Variants in C10orf90 observed in about 807,000 individuals in gnomAD.
The protein encoded by C10orf90 is chromosome 10 open reading frame 90.
A neutral mutation model predicts 62.5 loss-of-function variants in C10orf90; 56 were observed. The observed-to-expected ratio is 0.90, with a 90% CI of 0.72 to 1.12. The LOEUF (loss-of-function observed/expected upper bound fraction) is 1.12, where lower values mean the gene tolerates loss of function less well. C10orf90 is among the 50% of genes most tolerant of loss of function. The pLI, the probability that C10orf90 is intolerant of heterozygous loss-of-function variation, is 0.00. For missense variants in C10orf90, 970 were observed against 880.4 expected (o/e 1.10, Z -1.29); for synonymous variants, 386 against 340.4 (o/e 1.13, Z -1.47).
At chr10:126,538,838 A>C (rs1335491553) in intron 2 of C10orf90, among the ~76,000 whole-genome samples, 1 of 152,198 alleles carries the variant, frequency 6.6e-6, no homozygotes, top group East Asian at 1.9e-4. Context: ...CTGATCATGA[A>C]GGGTTTCCTC....
At chr10:126,580,535 C>T (rs377051142) in intron 2 of C10orf90, among the ~76,000 whole-genome samples, 1 of 151,912 alleles carries the variant, frequency 6.6e-6, no homozygotes, top group Non-Finnish European at 1.5e-5. Flanking sequence ...CGCCTGTAGT[C>T]CCAGCTACTC....
At chr10:126,602,753 T>C (rs1845223101) in intron 2 of C10orf90, among the ~76,000 whole-genome samples, 1 of 145,074 alleles carries the variant, frequency 6.9e-6, no homozygotes, top group Non-Finnish European at 1.5e-5. Flanking sequence ...TGGCAGGGTT[T>C]TGGGCTTTTT....
In C10orf90 at chr10:126,521,412, G is replaced by T. The variant is rs186180615; in HGVS notation, c.314-7473C>A. Reference sequence around the variant, plus strand: ...GGCGACATGAAAGAAAAAAATGTCCGGAGTTTACCTCTGTGGCTAGGCTCA... The same window carrying T: ...GGCGACATGAAAGAAAAAAATGTCCTGAGTTTACCTCTGTGGCTAGGCTCA... On this transcript the variant is annotated intron_variant, in intron 2 of 9. Transcript: ENST00000488181. The T allele has an allele frequency of 1.7e-4, 265 of 1,596,066 alleles. No individual in the cohort carries two copies. In the African/African-American group the frequency reaches 3.0e-3, roughly 18 times the overall value.
rs550693142 is a variant in C10orf90, at chr10:126,524,936, T to C, written c.314-10997A>G. 8.0e-6 allele frequency: 6 copies of C among 753,698 alleles called. No individual in the cohort carries two copies. The East Asian group carries it at 3.9e-4, about 49-fold the overall frequency. The allele number at this position is 753,698 out of a possible 1,614,324, so 46.7% of individuals were successfully genotyped here. A position where few individuals can be genotyped will look rare whatever the true frequency, so the allele number is the denominator to read the frequency against. ...TCACTGAACAAGCATCATTATTACA[T>C]AGTATTGAAAGTCATAGTGTGGTTT... On this transcript the variant is annotated intron_variant, in intron 2 of 9. Coordinates refer to ENST00000488181, the MANE Select transcript of C10orf90 (RefSeq NM_001350921.2).
At chr10:126,623,310 C>T (rs1282004759) in intron 2 of C10orf90, among the ~76,000 whole-genome samples, 4 of 152,184 alleles carry the variant, frequency 2.6e-5, no homozygotes, top group African/African-American at 7.2e-5. Context: ...TATTCTCAAA[C>T]CCTCCATACA....
chr10:126,428,390 G>A (rs375077337), intron 8 of C10orf90, among the ~76,000 whole-genome samples: 76 of 152,194 alleles, frequency 5.0e-4, no homozygotes, highest in African/African-American at 1.8e-3. Context: ...GTAATTTAAC[G>A]ATATAATTAA....
intron 7 of C10orf90, among the ~76,000 whole-genome samples, chr10:126,433,927 G>A (rs565707564): frequency 1.3e-5 from 2 of 152,078 alleles, no homozygotes; most frequent in Non-Finnish European, 2.9e-5. Context: ...TGTTTACCTC[G>A]AATTATCATT....
chr10:126,632,164 C>T (rs1168057164), intron 2 of C10orf90, among the ~76,000 whole-genome samples: 2 of 152,042 alleles, frequency 1.3e-5, no homozygotes, highest in South Asian at 4.2e-4. Context: ...TCTGCCTGAC[C>T]TTGAGGCCTT....
chr10:126,536,984 G>A (rs1864254616), intron 2 of C10orf90, among the ~76,000 whole-genome samples: 1 of 152,162 alleles, frequency 6.6e-6, no homozygotes, highest in African/African-American at 2.4e-5. Context: ...AGTGGGTTTG[G>A]TGCTTATCTT....
At chr10:126,445,826 T>TATATATATATATATATATATATAC (rs57867349) in intron 7 of C10orf90, among the ~76,000 whole-genome samples, 8 of 144,824 alleles carry the variant, frequency 5.5e-5, no homozygotes, top group South Asian at 2.2e-4. Context: ...TATATATATA[T>TATATATATATATATATATATATAC]ACAATGGAAT....
intron 2 of C10orf90, among the ~76,000 whole-genome samples, chr10:126,560,219 T>C (rs1175577854): frequency 1.3e-5 from 2 of 152,190 alleles, no homozygotes; most frequent in Non-Finnish European, 2.9e-5. Context: ...CAGTGATTTG[T>C]AAGTGGGTAA....
rs1234142280 is a variant in C10orf90 at position 126,552,849 on chromosome 10, G to A, written c.314-38910C>T. ...GAATAAAACCAATATCTATATCTTA[G>A]GGTTATGAGAATTAATGAATGGAAA... On this transcript the variant is annotated intron_variant, in intron 2 of 9. Coordinates refer to ENST00000488181, the MANE Select transcript of C10orf90 (RefSeq NM_001350921.2). 2.0e-5 allele frequency among the ~76,000 whole-genome samples: 3 copies of A among 152,156 alleles called. No homozygotes were observed. In the East Asian group the frequency reaches 5.8e-4, roughly 29 times the overall value.
In C10orf90 at chr10:126,464,729, T is replaced by C; in HGVS notation, c.1792A>G (p.Asn598Asp). ...QDVCASLQEDNGVQIESKFPK... is the reference protein window; with the variant it reads ...QDVCASLQEDDGVQIESKFPK... ...AACTTGCTTTCTATCTGAACACCATTGTCTTCCTGCAGAGATGCACATACA... is the reference window on the plus strand; with the variant it reads ...AACTTGCTTTCTATCTGAACACCATCGTCTTCCTGCAGAGATGCACATACA... The change falls in exon 5 of 10, where the codon AAT (asparagine) becomes GAT (aspartate). Residue 598 changes from asparagine to aspartate, a missense_variant. Transcript: ENST00000488181. 6.2e-7 allele frequency: 1 copy of C among 1,613,462 alleles called. No homozygotes were observed. The highest frequency in any genetic ancestry group is 8.5e-7 in the Non-Finnish European group (1 of 1,179,502).
intron 2 of C10orf90, among the ~76,000 whole-genome samples, chr10:126,621,494 G>A (rs1187079677): frequency 6.6e-6 from 1 of 152,202 alleles, no homozygotes; most frequent in Non-Finnish European, 1.5e-5. Flanking sequence ...TTGGCATGCA[G>A]TGTGTGCTCA....
intron 3 of C10orf90, among the ~76,000 whole-genome samples, chr10:126,509,852 T>G (rs904383537): frequency 6.6e-6 from 1 of 152,214 alleles, no homozygotes; most frequent in Admixed American, 6.5e-5. Context: ...CTTAAAAATC[T>G]ATATGAGTTT....
At chr10:126,487,693 G>T (rs886142928) in intron 4 of C10orf90, among the ~76,000 whole-genome samples, 1 of 152,008 alleles carries the variant, frequency 6.6e-6, no homozygotes. Context: ...CCACCAAAAG[G>T]AACATGTAAA....
chr10:126,428,142 A>G (rs529418690), intron 8 of C10orf90, among the ~76,000 whole-genome samples: 1 of 152,180 alleles, frequency 6.6e-6, no homozygotes, highest in Non-Finnish European at 1.5e-5. Flanking sequence ...AGCTACCGAG[A>G]GATAGTGTGT....
At chr10:126,512,940 A>G (rs746911488) in intron 3 of C10orf90, among the ~76,000 whole-genome samples, 2 of 152,214 alleles carry the variant, frequency 1.3e-5, no homozygotes, top group Non-Finnish European at 2.9e-5. Context: ...GCTAAATCAA[A>G]GTAATACCTA....
chr10:126,606,948 T>C (rs546852687), intron 2 of C10orf90, among the ~76,000 whole-genome samples: 1 of 152,324 alleles, frequency 6.6e-6, no homozygotes, highest in African/African-American at 2.4e-5. Context: ...CTGCTAAAAG[T>C]AGGCATCTCT....
Sources: gnomAD v4.1 joint callset for allele counts (sites outside exome capture counted in the v4.1 genomes callset) on GRCh38, gnomAD v4.1.1 for gene constraint, MANE v1.5 for transcripts, NCBI Gene and HGNC (gene_info 2026-07-23, HGNC 2026-07-21) for gene names.